The following CNTNAP5 variants were observed in gnomAD, a reference collection of about 807,000 sequenced individuals.
The protein encoded by CNTNAP5 is contactin-associated protein-like 5.
Under a neutral mutation model 150.2 loss-of-function variants are expected in CNTNAP5, and 72 were observed. The ratio of observed to expected loss-of-function variants is 0.48; its 90% CI spans 0.40 to 0.58. The LOEUF is 0.58. CNTNAP5 is among the 20% of genes least tolerant of loss of function. CNTNAP5 has a pLI of 0.00. For missense variants in CNTNAP5, 1,636 were observed against 1,626.2 expected (o/e 1.01, Z -0.10); for synonymous variants, 672 against 619.8 (o/e 1.08, Z -1.25).
At chr2:124,845,462 C>G (rs1683030049) in intron 19 of CNTNAP5, among the ~76,000 whole-genome samples, 1 of 146,188 alleles carries the variant, frequency 6.8e-6, no homozygotes, top group South Asian at 2.1e-4. Flanking sequence ...TTGCTATTTC[C>G]TTCCCTGGTT....
intron 3 of CNTNAP5, among the ~76,000 whole-genome samples, chr2:124,309,278 G>T (rs1417486239): frequency 2.6e-5 from 4 of 152,256 alleles, no homozygotes; most frequent in Admixed American, 2.6e-4. Flanking sequence ...AAACTGGATG[G>T]GAGGGATGAC....
chr2:124,689,479 T>A (rs993626646), intron 13 of CNTNAP5, among the ~76,000 whole-genome samples: 1 of 152,048 alleles, frequency 6.6e-6, no homozygotes, highest in Non-Finnish European at 1.5e-5. Context: ...TAAAATAGTA[T>A]CTGGTATTTG....
intron 3 of CNTNAP5, among the ~76,000 whole-genome samples, chr2:124,393,566 T>C (rs1691172143): frequency 1.3e-5 from 2 of 152,236 alleles, no homozygotes; most frequent in African/African-American, 4.8e-5. Context: ...CAGCCCCTAA[T>C]GCCAGGCAAC....
chr2:124,383,077 G>T (rs953061381), intron 3 of CNTNAP5, among the ~76,000 whole-genome samples: 1 of 152,108 alleles, frequency 6.6e-6, no homozygotes. Context: ...TCCTCCAGGT[G>T]TCCCAGCTCC....
At chr2:124,800,230 C>G (rs752306853) in intron 19 of CNTNAP5, among the ~76,000 whole-genome samples, 1 of 152,048 alleles carries the variant, frequency 6.6e-6, no homozygotes, top group Admixed American at 6.6e-5. Flanking sequence ...TGGTTACAAC[C>G]AATGCGAGAT....
At chr2:124,668,810 G>C (rs1273370519) in intron 13 of CNTNAP5, among the ~76,000 whole-genome samples, 2 of 152,124 alleles carry the variant, frequency 1.3e-5, no homozygotes, top group African/African-American at 2.4e-5. Flanking sequence ...GTGGTCATTT[G>C]GGTAGAAATG....
At chr2:124,126,794 A>G (rs1049431641) in intron 1 of CNTNAP5, among the ~76,000 whole-genome samples, 3 of 152,216 alleles carry the variant, frequency 2.0e-5, no homozygotes, top group Non-Finnish European at 2.9e-5. Context: ...TATAAACAGA[A>G]CCAAAGACAA....
intron 1 of CNTNAP5, among the ~76,000 whole-genome samples, chr2:124,183,651 C>T (rs1685260803): frequency 6.6e-6 from 1 of 152,124 alleles, no homozygotes; most frequent in Admixed American, 6.6e-5. Flanking sequence ...TTCATTGCAA[C>T]CCTCAGGTGT....
intron 8 of CNTNAP5, among the ~76,000 whole-genome samples, chr2:124,515,677 G>A (rs527470328): frequency 9.1e-4 from 138 of 152,272 alleles, no homozygotes; most frequent in Non-Finnish European, 1.8e-3. Flanking sequence ...ATTGGGGGAT[G>A]GATTTTGATA....
chr2:124,508,106 G>C (rs932973428), intron 8 of CNTNAP5, among the ~76,000 whole-genome samples: 1 of 151,936 alleles, frequency 6.6e-6, no homozygotes, highest in African/African-American at 2.4e-5. Flanking sequence ...AAATTATGTT[G>C]GTGCTGGCAA....
chr2:124,323,177 A>C (rs967905951), intron 3 of CNTNAP5, among the ~76,000 whole-genome samples: 9 of 152,294 alleles, frequency 5.9e-5, no homozygotes, highest in South Asian at 2.1e-4. Context: ...TGTGTGCCCA[A>C]GCGGGTCAGG....
At chr2:124,269,803 C>T (rs1177602184) in intron 3 of CNTNAP5, among the ~76,000 whole-genome samples, 1 of 152,050 alleles carries the variant, frequency 6.6e-6, no homozygotes, top group Non-Finnish European at 1.5e-5. Context: ...AAAAAGAAGT[C>T]TCAAGATTTT....
intron 1 of CNTNAP5, among the ~76,000 whole-genome samples, chr2:124,134,569 G>A (rs1037977911): frequency 2.5e-4 from 38 of 152,118 alleles, no homozygotes; most frequent in African/African-American, 8.7e-4. Context: ...AATCCATATT[G>A]TCTGCTTCTA....
intron 10 of CNTNAP5, among the ~76,000 whole-genome samples, chr2:124,529,140 G>A (rs768664350): frequency 8.6e-5 from 13 of 151,242 alleles, no homozygotes; most frequent in Non-Finnish European, 1.5e-4. Context: ...TTTAGAGCTC[G>A]GAGAATAAAA....
intron 13 of CNTNAP5, among the ~76,000 whole-genome samples, chr2:124,651,898 C>G (rs1322948307): frequency 3.9e-5 from 6 of 152,118 alleles, no homozygotes; most frequent in Admixed American, 1.3e-4. Context: ...CCTGTGTATC[C>G]CTACACAGCA....
intron 4 of CNTNAP5, 46 bp from the exon 5 acceptor site, chr2:124,434,438 G>A (rs1009409093): frequency 5.7e-6 from 8 of 1,393,742 alleles, no homozygotes; most frequent in South Asian, 1.2e-5. Flanking sequence ...CAGCAGTCAT[G>A]AGAATATGCA....
At chr2:124,339,715 G>C (rs1412538358) in intron 3 of CNTNAP5, among the ~76,000 whole-genome samples, 1 of 152,124 alleles carries the variant, frequency 6.6e-6, no homozygotes, top group East Asian at 1.9e-4. Flanking sequence ...AACCCACATG[G>C]GGAAACTGGA....
chr2:124,717,638 C>T (rs142238009), intron 13 of CNTNAP5, among the ~76,000 whole-genome samples: 4 of 152,268 alleles, frequency 2.6e-5, no homozygotes, highest in African/African-American at 7.2e-5. Context: ...AAGAATTGAA[C>T]GATGCATCAC....
intron 12 of CNTNAP5, among the ~76,000 whole-genome samples, chr2:124,616,497 A>G (rs568217966): frequency 2.0e-5 from 3 of 152,278 alleles, no homozygotes; most frequent in East Asian, 1.9e-4. Context: ...TTGATCTTCT[A>G]TTCAGCAGCT....
Sources: gnomAD v4.1 joint callset for allele counts (sites outside exome capture counted in the v4.1 genomes callset) on GRCh38, gnomAD v4.1.1 for gene constraint, MANE v1.5 for transcripts, NCBI Gene and HGNC (gene_info 2026-07-23, HGNC 2026-07-21) for gene names.